ZNF676: variants seen among roughly 807,000 people sequenced by gnomAD.
ZNF676 encodes the protein zinc finger protein 676.
A neutral mutation model predicts 6.0 loss-of-function variants in ZNF676; 4 were observed. The ratio of observed to expected loss-of-function variants is 0.67; its 90% CI spans 0.33 to 1.53. ZNF676 has a LOEUF of 1.53. Among genes scored for constraint, ZNF676 ranks in the 40% most tolerant of loss-of-function variants. The probability of loss-of-function intolerance (pLI) is 0.06; values close to 1 mark genes in which losing one functional copy is unlikely to be tolerated. For synonymous variants in ZNF676, 198 were observed against 223.1 expected (o/e 0.89, Z 1.00); for missense variants, 644 against 679.7 (o/e 0.95, Z 0.58).
At chr19:22,236,079 C>G in the ZNF676 span, among the ~76,000 whole-genome samples, 9 of 151,708 alleles carry the variant, frequency 5.9e-5, no homozygotes, top group Admixed American at 1.3e-4. Flanking sequence ...ACCACCTTTG[C>G]GTCTTTTTAG....
chr19:22,215,503 G>A (rs2024175208), intron 1 of ZNF676: 2 of 1,080,606 alleles, frequency 1.9e-6, no homozygotes, highest in South Asian at 1.4e-5. Context: ...GAAGGGGACT[G>A]AGGTCGAGCT....
rs2145774505 is a variant in ZNF676 at position 22,180,248 on chromosome 19, G to A, written c.1469C>T (p.Ser490Leu). ...EECGKGFSTF[S>L]ILTKHKIIHT... ...AATTATCTTATGTTTAGTAAGGATT[G>A]AGAACGTACTAAAGCCTTTGCCACA... The change falls in exon 3 of 3, where the codon TCA (serine) becomes TTA (leucine). Residue 490 changes from serine to leucine, a missense_variant. Transcript: ENST00000397121. 6 of 1,613,708 alleles carry A rather than the reference G, an allele frequency of 3.7e-6. No individual in the cohort carries two copies. The highest frequency in any genetic ancestry group is 5.1e-6 in the Non-Finnish European group (6 of 1,179,774).
the ZNF676 span, among the ~76,000 whole-genome samples, chr19:22,223,293 G>A: frequency 6.6e-6 from 1 of 152,138 alleles, no homozygotes; most frequent in Non-Finnish European, 1.5e-5. Flanking sequence ...TCCGTCCCTG[G>A]ATCTCAAAGC....
chr19:22,244,019 G>A, the ZNF676 span: 3 of 150,360 alleles, frequency 2.0e-5, no homozygotes, highest in South Asian at 2.1e-4. Flanking sequence ...CCAAAGATTG[G>A]TAATTCTTTC....
At chr19:22,254,198 C>T in the ZNF676 span, among the ~76,000 whole-genome samples, 1 of 152,204 alleles carries the variant, frequency 6.6e-6, no homozygotes, top group East Asian at 1.9e-4. Flanking sequence ...TTACAATCCC[C>T]TCTTAAAGCA....
At chr19:22,185,836 A>G (rs2023830858) in intron 2 of ZNF676, among the ~76,000 whole-genome samples, 1 of 151,994 alleles carries the variant, frequency 6.6e-6, no homozygotes, top group South Asian at 2.1e-4. Context: ...TTAGAGAAAA[A>G]AGAATAAAGA....
the ZNF676 span, among the ~76,000 whole-genome samples, chr19:22,256,438 C>A: frequency 1.3e-5 from 2 of 151,918 alleles, no homozygotes; most frequent in Non-Finnish European, 2.9e-5. Context: ...GGGTGCTGAG[C>A]CCAGTGATAT....
At chr19:22,214,307 A>G (rs528216793) in intron 1 of ZNF676, among the ~76,000 whole-genome samples, 48 of 152,212 alleles carry the variant, frequency 3.2e-4, no homozygotes, top group Middle Eastern at 3.4e-3. Flanking sequence ...TTATTTCCTA[A>G]TTTCTACTTT....
chr19:22,214,728 A>G (rs1188305191), intron 1 of ZNF676, among the ~76,000 whole-genome samples: 2 of 151,646 alleles, frequency 1.3e-5, no homozygotes, highest in Non-Finnish European at 2.9e-5. Flanking sequence ...AGAAATTTCC[A>G]TCTTCATGTT....
chr19:22,221,260 T>C, the ZNF676 span, among the ~76,000 whole-genome samples: 2 of 152,194 alleles, frequency 1.3e-5, no homozygotes, highest in Non-Finnish European at 2.9e-5. Context: ...CCAGATGTTT[T>C]AATATGTTGT....
intron 2 of ZNF676, among the ~76,000 whole-genome samples, chr19:22,183,296 C>T (rs981862323): frequency 8.5e-5 from 13 of 152,098 alleles, no homozygotes; most frequent in South Asian, 2.1e-4. Context: ...TTTAAATATA[C>T]GGAAAATTAA....
chr19:22,192,441 A>G (rs2023919483), intron 2 of ZNF676, among the ~76,000 whole-genome samples: 1 of 152,148 alleles, frequency 6.6e-6, no homozygotes, highest in South Asian at 2.1e-4. Flanking sequence ...CAGTAATGAA[A>G]AATACAATCA....
At chr19:22,252,325 G>A in the ZNF676 span, among the ~76,000 whole-genome samples, 1 of 151,492 alleles carries the variant, frequency 6.6e-6, no homozygotes, top group African/African-American at 2.4e-5. Context: ...AACCCAGGAG[G>A]CGGAAGCTGC....
At chr19:22,230,763 A>G in the ZNF676 span, among the ~76,000 whole-genome samples, 1 of 151,550 alleles carries the variant, frequency 6.6e-6, no homozygotes, top group South Asian at 2.1e-4. Flanking sequence ...GTTTCATGTG[A>G]TTCTCCTGCC....
At chr19:22,233,326 T>C in the ZNF676 span, among the ~76,000 whole-genome samples, 8 of 122,714 alleles carry the variant, frequency 6.5e-5, no homozygotes, top group Admixed American at 5.7e-4. Flanking sequence ...TTTTCTTTTT[T>C]AAGGTTTTTT....
intron 2 of ZNF676, among the ~76,000 whole-genome samples, chr19:22,186,312 T>C (rs1194072892): frequency 2.6e-5 from 4 of 152,128 alleles, no homozygotes; most frequent in African/African-American, 9.7e-5. Flanking sequence ...ATAAAATCCT[T>C]TACAGACAAG....
At chr19:22,201,843 T>C (rs1264476797), upstream of ZNF676, among the ~76,000 whole-genome samples, 1 of 151,038 alleles carries the variant, frequency 6.6e-6, no homozygotes, top group Non-Finnish European at 1.5e-5. Context: ...TGATTGCATA[T>C]ACATCAAGGT....
chr19:22,247,135 C>A, the ZNF676 span, among the ~76,000 whole-genome samples: 24 of 152,168 alleles, frequency 1.6e-4, no homozygotes, highest in African/African-American at 5.3e-4. Flanking sequence ...GTATATTCTA[C>A]CAGGGTAAAA....
chr19:22,195,751 C>T (rs73550926), intron 1 of ZNF676, among the ~76,000 whole-genome samples: 5,258 of 152,234 alleles, frequency 0.035, 304 homozygotes, highest in African/African-American at 0.12. Context: ...GTGTAACCAA[C>T]GTAGAATATA....
Sources: allele counts gnomAD v4.1 joint callset (sites outside exome capture counted in the v4.1 genomes callset), GRCh38; gene constraint gnomAD v4.1.1; transcripts MANE v1.5; gene names NCBI Gene and HGNC (gene_info 2026-07-23, HGNC 2026-07-21).